Variants in ARAP1 observed in about 807,000 individuals in gnomAD.
ARAP1 encodes the protein ArfGAP with RhoGAP domain, ankyrin repeat and PH domain 1.
Under a neutral mutation model 172.2 loss-of-function variants are expected in ARAP1, and 76 were observed. The observed-to-expected ratio is 0.44, with a 90% confidence interval of 0.37 to 0.53. The LOEUF (loss-of-function observed/expected upper bound fraction) is 0.53, where lower values mean the gene tolerates loss of function less well. ARAP1 is among the 20% of genes least tolerant of loss of function. The pLI is 0.00. For synonymous variants in ARAP1, 804 were observed against 803.3 expected, an observed-to-expected ratio of 1.00 and a Z score of -0.01; for missense variants, 1,686 against 1,977.5, an observed-to-expected ratio of 0.85 and a Z score of 2.80.
In ARAP1 at chr11:72,697,314, A is replaced by G; in HGVS notation, c.2953+9T>C. 1 of 1,579,912 alleles carries G rather than the reference A, an allele frequency of 6.3e-7. No homozygotes were observed. Among genetic ancestry groups the G allele is most frequent in the Non-Finnish European group, 8.6e-7 (1 of 1,162,624 alleles). ...GGGGCGGGGCTGGCACCCTAGGGGC[A>G]GGGCTCACCGCACTGCGTGATGTAG... is the stretch of plus-strand genomic sequence containing the variant. On this transcript the variant is annotated intron_variant, in intron 21 of 34. Coordinates refer to ENST00000393609, the MANE Select transcript of ARAP1 (RefSeq NM_001040118.3).
intron 1 of ARAP1, among the ~76,000 whole-genome samples, chr11:72,748,494 TG>T (rs1858439593): frequency 6.7e-6 from 1 of 150,090 alleles, no homozygotes; most frequent in Non-Finnish European, 1.5e-5. Context: ...CACTTGAGCC[TG>T]GGCTACAGAG....
chr11:72,744,917 T>C (rs1202966718), intron 1 of ARAP1, among the ~76,000 whole-genome samples: 4 of 152,186 alleles, frequency 2.6e-5, no homozygotes. Context: ...TGTCCATCTT[T>C]AGAGCCGAGA....
intron 1 of ARAP1, among the ~76,000 whole-genome samples, chr11:72,736,523 C>T (rs1484792167): frequency 6.6e-6 from 1 of 152,178 alleles, no homozygotes; most frequent in Non-Finnish European, 1.5e-5. Context: ...TGCTATGACA[C>T]ATCACTGAGT....
In ARAP1 at chr11:72,687,925, C is replaced by T. The variant is rs150309760; in HGVS notation, c.4071-187G>A. Among the ~76,000 whole-genome samples, 317 of 152,278 alleles carry T rather than the reference C, an allele frequency of 2.1e-3. 1 individual carries two copies. Among genetic ancestry groups the T allele is most frequent in the African/African-American group, 7.4e-3 (306 of 41,552 alleles). ...AACCAGCCTCCCAGGCCCTTGACACCCCTAAGCCCCAGCCCTACCCTCAGA... is the reference window on the plus strand; with the variant it reads ...AACCAGCCTCCCAGGCCCTTGACACTCCTAAGCCCCAGCCCTACCCTCAGA... On this transcript the variant is annotated intron_variant, in intron 31 of 34. Coordinates refer to ENST00000393609, the MANE Select transcript of ARAP1 (RefSeq NM_001040118.3).
Position 72,711,147 on chromosome 11 carries a change from G to A in ARAP1, c.1093-6C>T, listed in dbSNP as rs1010325849. On this transcript the variant is annotated splice_polypyrimidine_tract_variant and splice_region_variant and intron_variant, in intron 8 of 34. Coordinates refer to ENST00000393609, the MANE Select transcript of ARAP1 (RefSeq NM_001040118.3). ...AAGCGCTTAGAGTAAGCGTCCTGGGGGAGAGACAGGAACTATATTTTGGGA... is the reference window on the plus strand; with the variant it reads ...AAGCGCTTAGAGTAAGCGTCCTGGGAGAGAGACAGGAACTATATTTTGGGA... The A allele has an allele frequency of 1.9e-6, 3 of 1,613,954 alleles. No individual in the cohort carries two copies. Among genetic ancestry groups the A allele is most frequent in the African/African-American group, 1.3e-5 (1 of 74,898 alleles).
intron 11 of ARAP1, chr11:72,708,042 G>A (rs1348447196): frequency 6.6e-6 from 1 of 151,900 alleles, no homozygotes; most frequent in East Asian, 1.9e-4. Flanking sequence ...GCTCTTCAGG[G>A]TGGGAGGCCC....
At chr11:72,750,197 G>T (rs1858492062) in intron 1 of ARAP1, among the ~76,000 whole-genome samples, 1 of 152,190 alleles carries the variant, frequency 6.6e-6, no homozygotes, top group Admixed American at 6.5e-5. Flanking sequence ...AGAATCACCA[G>T]CCCTCAAGGA....
chr11:72,733,160 G>A lies in ARAP1; in HGVS notation c.-127-563C>T, dbSNP rs545655721. Among the ~76,000 whole-genome samples the A allele has an allele frequency of 9.3e-4, 142 of 152,264 alleles. 1 individual carries two copies. The highest frequency in any genetic ancestry group is 3.1e-3 in the African/African-American group (130 of 41,548). On this transcript the variant is annotated intron_variant, in intron 1 of 34. Coordinates refer to ENST00000393609, the MANE Select transcript of ARAP1 (RefSeq NM_001040118.3). The stretch of plus-strand genomic sequence containing the variant: ...CAGACAGACAGGCCTGTCCAGATGT[G>A]GGGGCTGCACAGGTGGTAAAGAGGA...
chr11:72,723,483 C>A (rs1191155922), intron 3 of ARAP1, among the ~76,000 whole-genome samples: 9 of 152,164 alleles, frequency 5.9e-5, no homozygotes, highest in Non-Finnish European at 2.9e-5. Context: ...TTGCCTAAAC[C>A]TTGGTCTGTG....
intron 1 of ARAP1, among the ~76,000 whole-genome samples, chr11:72,750,748 A>T (rs1329563083): frequency 6.7e-6 from 1 of 149,506 alleles, no homozygotes; most frequent in Non-Finnish European, 1.5e-5. Context: ...CTGCACAAGG[A>T]CTCGGGGCCC....
rs143666426 is a variant in ARAP1, at chr11:72,698,870, G to A, written c.2541+135C>T. 5.3e-4 allele frequency: 494 copies of A among 927,502 alleles called. 3 individuals carry two copies. In the African/African-American group the frequency reaches 7.4e-3, roughly 14 times the overall value. The allele number at this position is 927,502 out of a possible 1,614,324, so 57.5% of individuals were successfully genotyped here. The stretch of plus-strand genomic sequence containing the variant: ...TTACAGTAGGCTCTTGGTGGGACAG[G>A]CCCGCTCCATGTCTGCTGCCCTGCA... On this transcript the variant is annotated intron_variant, in intron 18 of 34. Coordinates refer to ENST00000393609, the MANE Select transcript of ARAP1 (RefSeq NM_001040118.3).
rs1856129860 is a variant in ARAP1, at chr11:72,695,224, G to T, written c.3577-127C>A. ...TTCTGGAGTCCTGGGATAGAGAGGG[G>T]TATTTCTGAGTGGTCCTTAGGAGCA... On this transcript the variant is annotated intron_variant, in intron 26 of 34. Transcript: ENST00000393609. The surrounding 1 kb of genome is among the most constrained non-coding windows in gnomAD (Gnocchi z 4.4). 1.5e-6 allele frequency: 2 copies of T among 1,316,990 alleles called. No homozygotes were observed. Among genetic ancestry groups the T allele is most frequent in the Admixed American group, 3.6e-5 (2 of 55,952 alleles). The allele number at this position is 1,316,990 out of a possible 1,614,324, so 81.6% of individuals were successfully genotyped here.
In ARAP1 at chr11:72,710,995, C is replaced by T. The variant is rs377398968; in HGVS notation, c.1213+26G>A. 1.2e-5 allele frequency: 20 copies of T among 1,613,864 alleles called. No individual in the cohort carries two copies. In the African/African-American group the frequency reaches 2.3e-4, roughly 18 times the overall value. On this transcript the variant is annotated intron_variant, in intron 9 of 34. Coordinates refer to ENST00000393609, the MANE Select transcript of ARAP1 (RefSeq NM_001040118.3). The surrounding 1 kb of genome is among the most constrained non-coding windows in gnomAD (Gnocchi z 4.3). ...AGTCTTCTCTACCCTCTTCTACACACACACACAACACCCCACACTCCCCAC... is the reference window on the plus strand; with the variant it reads ...AGTCTTCTCTACCCTCTTCTACACATACACACAACACCCCACACTCCCCAC...
At chr11:72,728,202 A>G (rs920494011) in intron 2 of ARAP1, among the ~76,000 whole-genome samples, 2 of 152,254 alleles carry the variant, frequency 1.3e-5, no homozygotes, top group African/African-American at 4.8e-5. Context: ...TTTGTTGCCA[A>G]TAATATGAGT....
rs925839975 is a variant in ARAP1, at chr11:72,685,461, G to A, written c.*203C>T. ...TCTGAACACCTGGACAGAGTTGGGA[G>A]AGGTTCCTGCCCAGGCTGACCCCTG... On this transcript the variant is annotated 3_prime_UTR_variant, in exon 35 of 35. Coordinates refer to ENST00000393609, the MANE Select transcript of ARAP1 (RefSeq NM_001040118.3). 20 of 662,542 alleles carry A rather than the reference G, an allele frequency of 3.0e-5. 1 individual carries two copies. The African/African-American group carries it at 3.3e-4, about 11-fold the overall frequency. 41.0% of individuals were successfully genotyped at this position (662,542 alleles called of 1,614,324 possible).
chr11:72,741,612 G>T lies in ARAP1; in HGVS notation c.-127-9015C>A, dbSNP rs1261032356. ...TCCTCCTGTGACCACTGCCCCCAGC[G>T]GGAGCAGGAGGGGGACTCCGAACAC... On this transcript the variant is annotated intron_variant, in intron 1 of 34. Coordinates refer to ENST00000393609, the MANE Select transcript of ARAP1 (RefSeq NM_001040118.3). The surrounding 1 kb of genome is among the most constrained non-coding windows in gnomAD (Gnocchi z 4.5). Among the ~76,000 whole-genome samples, 8 of 152,172 alleles carry T rather than the reference G, an allele frequency of 5.3e-5. No individual in the cohort carries two copies. The South Asian group carries it at 1.7e-3, about 31-fold the overall frequency.
intron 15 of ARAP1, among the ~76,000 whole-genome samples, chr11:72,702,091 T>A (rs1856513465): frequency 6.6e-6 from 1 of 152,196 alleles, no homozygotes; most frequent in Admixed American, 6.5e-5. Context: ...CACACTGGCA[T>A]GAGGGGGGCA....
At chr11:72,717,067 T>C (rs1455478357) in intron 3 of ARAP1, among the ~76,000 whole-genome samples, 1 of 151,740 alleles carries the variant, frequency 6.6e-6, no homozygotes, top group Non-Finnish European at 1.5e-5. Context: ...GTGGACAAGG[T>C]GGGTGGACAG....
intron 12 of ARAP1, among the ~76,000 whole-genome samples, chr11:72,706,126 G>A (rs1856749453): frequency 6.6e-6 from 1 of 152,184 alleles, no homozygotes. Flanking sequence ...TGGCCCCCTG[G>A]AACCATGCTT....
Sources: gnomAD v4.1 joint callset for allele counts (sites outside exome capture counted in the v4.1 genomes callset) on GRCh38, gnomAD v4.1.1 for gene constraint, Gnocchi (gnomAD v3.1) non-coding constraint, MANE v1.5 for transcripts, NCBI Gene and HGNC (gene_info 2026-07-23, HGNC 2026-07-21) for gene names.